Variants in PTPRD observed in about 807,000 individuals in gnomAD.
PTPRD encodes protein tyrosine phosphatase receptor type D.
Under a neutral mutation model 214.5 loss-of-function variants are expected in PTPRD, and 34 were observed. The observed-to-expected ratio is 0.16, with a 90% CI of 0.12 to 0.21. The LOEUF is 0.21. Ranked by LOEUF, PTPRD falls within the 10% of genes least tolerant of loss-of-function variation. The pLI, the probability that PTPRD is intolerant of heterozygous loss-of-function variation, is 1.00. For missense variants in PTPRD, 2,545 were observed against 2,398.7 expected (o/e 1.06, Z -1.27); for synonymous variants, 1,128 against 845.7 (o/e 1.33, Z -5.79).
chr9:8,672,695 G>A (rs1319353962), intron 12 of PTPRD, among the ~76,000 whole-genome samples: 2 of 152,060 alleles, frequency 1.3e-5, no homozygotes, highest in African/African-American at 4.8e-5. Context: ...GTCACATACT[G>A]TCCCTGAAAT....
Position 8,442,098 on chromosome 9 carries a change from G to A in PTPRD, c.3989-5409C>T, listed in dbSNP as rs7869958. 3.9e-5 allele frequency among the ~76,000 whole-genome samples: 6 copies of A among 152,144 alleles called. No homozygotes were observed. The East Asian group carries it at 1.2e-3, about 29-fold the overall frequency. Reference sequence around the variant, plus strand: ...AGAGGAAAAGGGGATGCAAAAACACGTCTGTATTTTCCAGTTATTTCTTGC... The same window carrying A: ...AGAGGAAAAGGGGATGCAAAAACACATCTGTATTTTCCAGTTATTTCTTGC... On this transcript the variant is annotated intron_variant, in intron 34 of 45. Transcript: ENST00000381196.
At chr9:9,313,787 T>C (rs571565323) in intron 9 of PTPRD, among the ~76,000 whole-genome samples, 2 of 152,336 alleles carry the variant, frequency 1.3e-5, no homozygotes, top group Admixed American at 1.3e-4. Flanking sequence ...CTTCAGCTAA[T>C]CAATTGGAAT....
intron 24 of PTPRD, among the ~76,000 whole-genome samples, chr9:8,500,265 T>A (rs1363187508): frequency 6.6e-6 from 1 of 151,942 alleles, no homozygotes; most frequent in Non-Finnish European, 1.5e-5. Context: ...TTCTTGATTA[T>A]ATGTATTATC....
chr9:9,526,561 G>A (rs1210763914), intron 8 of PTPRD, among the ~76,000 whole-genome samples: 2 of 152,130 alleles, frequency 1.3e-5, no homozygotes, highest in Non-Finnish European at 2.9e-5. Context: ...TAATCTTGAG[G>A]AATGATAGAA....
intron 2 of PTPRD, among the ~76,000 whole-genome samples, chr9:10,607,042 G>A (rs1482232993): frequency 6.6e-6 from 1 of 151,748 alleles, no homozygotes; most frequent in Admixed American, 6.6e-5. Flanking sequence ...TTCATACAAG[G>A]CATCCCAGTA....
At chr9:9,783,042 T>C (rs2098870158) in intron 5 of PTPRD, among the ~76,000 whole-genome samples, 1 of 152,196 alleles carries the variant, frequency 6.6e-6, no homozygotes, top group South Asian at 2.1e-4. Context: ...CCTTTATATG[T>C]ATGTTTAATT....
chr9:9,514,248 C>G (rs2096780678), intron 8 of PTPRD, among the ~76,000 whole-genome samples: 1 of 152,142 alleles, frequency 6.6e-6, no homozygotes, highest in African/African-American at 2.4e-5. Flanking sequence ...CATGAATCCT[C>G]CAGCATGAGT....
intron 3 of PTPRD, among the ~76,000 whole-genome samples, chr9:10,304,257 G>T (rs1430320898): frequency 6.6e-6 from 1 of 152,072 alleles, no homozygotes. Context: ...CTGACGGAAT[G>T]TATCTCAAAA....
At chr9:10,165,287 T>C (rs1006862425) in intron 3 of PTPRD, among the ~76,000 whole-genome samples, 2 of 151,734 alleles carry the variant, frequency 1.3e-5, no homozygotes, top group Admixed American at 1.3e-4. Context: ...AAGAGTAATT[T>C]TCAAAGCATG....
At chr9:9,183,402 T>C (rs1593092827) in intron 9 of PTPRD, 39 bp from the exon 10 acceptor site, 1 of 147,176 alleles carries the variant, frequency 6.8e-6, no homozygotes, top group East Asian at 2.3e-4. Flanking sequence ...ATTTAAAAAA[T>C]ATTTTAATCC....
At chr9:8,665,441 T>C (rs146612541) in intron 12 of PTPRD, among the ~76,000 whole-genome samples, 2 of 152,306 alleles carry the variant, frequency 1.3e-5, no homozygotes, top group East Asian at 3.9e-4. Flanking sequence ...GCAGGGTTTT[T>C]TGTTTTTGTT....
At chr9:8,376,567 T>C (rs746632548) in intron 38 of PTPRD, 40 bp downstream of exon 38, 11 of 1,611,126 alleles carry the variant, frequency 6.8e-6, no homozygotes, top group Middle Eastern at 1.6e-4. Flanking sequence ...CTTTAAACAA[T>C]AGAGAAGGGA....
chr9:10,599,881 G>T (rs192271002), intron 2 of PTPRD, among the ~76,000 whole-genome samples: 7 of 151,854 alleles, frequency 4.6e-5, no homozygotes, highest in Admixed American at 1.3e-4. Context: ...CAACAGATCA[G>T]CATCAATAAT....
intron 7 of PTPRD, among the ~76,000 whole-genome samples, chr9:9,630,509 A>C (rs187480291): frequency 6.6e-6 from 1 of 152,202 alleles, no homozygotes; most frequent in Non-Finnish European, 1.5e-5. Flanking sequence ...ATTGACCTTG[A>C]AATTGTAAAC....
At chr9:10,477,614 A>C (rs1589065203) in intron 2 of PTPRD, among the ~76,000 whole-genome samples, 2 of 152,200 alleles carry the variant, frequency 1.3e-5, no homozygotes, top group Non-Finnish European at 2.9e-5. Context: ...CATTTGACCC[A>C]GCAATCCCAT....
At chr9:8,318,294 G>A (rs1823539441) in intron 45 of PTPRD, among the ~76,000 whole-genome samples, 1 of 152,010 alleles carries the variant, frequency 6.6e-6, no homozygotes, top group Non-Finnish European at 1.5e-5. Context: ...AGATAATGAT[G>A]AAAATCATCC....
intron 11 of PTPRD, among the ~76,000 whole-genome samples, chr9:8,980,587 G>C (rs973392225): frequency 2.0e-5 from 3 of 152,014 alleles, no homozygotes; most frequent in African/African-American, 7.2e-5. Context: ...GGATATTAAA[G>C]TTATCTCAGA....
At chr9:8,802,221 C>T (rs1016158650) in intron 11 of PTPRD, among the ~76,000 whole-genome samples, 1 of 152,156 alleles carries the variant, frequency 6.6e-6, no homozygotes, top group Non-Finnish European at 1.5e-5. Flanking sequence ...TGTTCCCCCA[C>T]ACCCTGTTAT....
rs140181270 is a variant in PTPRD at position 10,372,307 on chromosome 9, A to G, written c.-599-31290T>C. Among the ~76,000 whole-genome samples, 3 of 152,052 alleles carry G rather than the reference A, an allele frequency of 2.0e-5. 1 individual carries two copies. The highest frequency in any genetic ancestry group is 2.9e-5 in the Non-Finnish European group (2 of 67,980). On this transcript the variant is annotated intron_variant, in intron 2 of 45. Coordinates refer to ENST00000381196, the MANE Select transcript of PTPRD (RefSeq NM_002839.4). ...CAATGCCCTCTGTTTTGTTGTTTGC[A>G]TTATTTGACAGGTTTTGAGTAGGTT... is the stretch of plus-strand genomic sequence containing the variant.
Sources: allele counts gnomAD v4.1 joint callset (sites outside exome capture counted in the v4.1 genomes callset), GRCh38; gene constraint gnomAD v4.1.1; transcripts MANE v1.5; gene names NCBI Gene and HGNC (gene_info 2026-07-23, HGNC 2026-07-21).